The following RABGAP1L variants were observed in gnomAD, a reference collection of about 807,000 sequenced individuals.
RABGAP1L encodes rab GTPase-activating protein 1-like.
In RABGAP1L, 63 loss-of-function variants were observed where a neutral mutation model predicts 137.7. The observed-to-expected ratio is 0.46, with a 90% CI of 0.37 to 0.56. RABGAP1L has a LOEUF of 0.56. RABGAP1L is among the 20% of genes least tolerant of loss of function. The pLI, the probability that RABGAP1L is intolerant of heterozygous loss-of-function variation, is 0.00. For synonymous variants in RABGAP1L, 431 were observed against 433.7 expected (o/e 0.99, Z 0.08); for missense variants, 1,095 against 1,244.0 (o/e 0.88, Z 1.80).
chr1:174,436,649 C>A (rs2149214452), intron 13 of RABGAP1L, among the ~76,000 whole-genome samples: 2 of 152,292 alleles, frequency 1.3e-5, no homozygotes, highest in East Asian at 3.9e-4. Flanking sequence ...TGCAGAAGCT[C>A]TTTAGTTTAA....
At chr1:174,629,041 C>G (rs963500946) in intron 13 of RABGAP1L, among the ~76,000 whole-genome samples, 1 of 152,108 alleles carries the variant, frequency 6.6e-6, no homozygotes, top group Non-Finnish European at 1.5e-5. Context: ...TTGACCACTA[C>G]AATCAGAATA....
intron 19 of RABGAP1L, chr1:174,875,822 A>C: frequency 1.8e-6 from 1 of 561,638 alleles, no homozygotes; most frequent in Non-Finnish European, 2.3e-6. Context: ...TGTTAACGAA[A>C]ATAATGCTTA....
chr1:174,624,527 T>G (rs1344268531), intron 13 of RABGAP1L, among the ~76,000 whole-genome samples: 1 of 152,196 alleles, frequency 6.6e-6, no homozygotes, highest in Non-Finnish European at 1.5e-5. Flanking sequence ...GAAGTTTTCA[T>G]ATAGACTTGC....
intron 15 of RABGAP1L, among the ~76,000 whole-genome samples, chr1:174,695,594 G>A (rs1357500547): frequency 6.6e-6 from 1 of 152,110 alleles, no homozygotes; most frequent in Admixed American, 6.6e-5. Flanking sequence ...CTCACTCCAG[G>A]ATTGGTCCCT....
At chr1:174,385,561 TGAAGACATCATCC>T (rs1368990779) in intron 12 of RABGAP1L, among the ~76,000 whole-genome samples, 2 of 152,166 alleles carry the variant, frequency 1.3e-5, no homozygotes, top group Admixed American at 6.5e-5. Flanking sequence ...TGAGTTTAGA[TGAAGACATCATCC>T]GAAGACATCA....
rs80239267 is a variant in RABGAP1L, at chr1:174,932,028, A to G, written c.2341-25429A>G. On this transcript the variant is annotated intron_variant, in intron 19 of 25. Coordinates refer to ENST00000681986, the MANE Select transcript of RABGAP1L (RefSeq NM_001366446.1). ...TTTTTTTTTTTTGCCTGTCCAGTGA[A>G]GTTTTGAGCTATACTTGCTCAAAAC... is the stretch of plus-strand genomic sequence containing the variant. Among the ~76,000 whole-genome samples, 1,035 of 120,708 alleles carry G rather than the reference A, an allele frequency of 8.6e-3. 16 individuals are homozygous for G. Among genetic ancestry groups the G allele is most frequent in the African/African-American group, 0.033 (993 of 30,116 alleles). 79.2% of individuals were successfully genotyped at this position (120,708 alleles called of 152,430 possible).
chr1:174,718,311 C>T (rs1397665890), intron 17 of RABGAP1L, among the ~76,000 whole-genome samples: 2 of 152,102 alleles, frequency 1.3e-5, no homozygotes, highest in Non-Finnish European at 1.5e-5. Context: ...CAGGATCTAC[C>T]GTATATAAGC....
At chr1:174,707,603 C>T (rs1440863496) in intron 17 of RABGAP1L, among the ~76,000 whole-genome samples, 1 of 152,124 alleles carries the variant, frequency 6.6e-6, no homozygotes, top group African/African-American at 2.4e-5. Context: ...CTAACAATAC[C>T]TGTCTCTCAG....
intron 19 of RABGAP1L, among the ~76,000 whole-genome samples, chr1:174,817,238 A>G (rs1690533837): frequency 6.6e-6 from 1 of 152,222 alleles, no homozygotes; most frequent in Non-Finnish European, 1.5e-5. Flanking sequence ...TTTGAGCAAA[A>G]TTAAAAGGCA....
chr1:174,887,471 T>C (rs1157740129), intron 19 of RABGAP1L, among the ~76,000 whole-genome samples: 4 of 152,172 alleles, frequency 2.6e-5, no homozygotes, highest in African/African-American at 7.2e-5. Context: ...CTGGAAACTT[T>C]AAAGTGAATT....
chr1:174,755,483 C>T (rs1309873272), intron 18 of RABGAP1L, among the ~76,000 whole-genome samples: 1 of 152,054 alleles, frequency 6.6e-6, no homozygotes, highest in Non-Finnish European at 1.5e-5. Context: ...GTTTGCTGTC[C>T]GTGGTTAAAA....
intron 19 of RABGAP1L, among the ~76,000 whole-genome samples, chr1:174,847,412 G>A (rs1045959950): frequency 6.6e-6 from 1 of 151,098 alleles, no homozygotes; most frequent in Non-Finnish European, 1.5e-5. Flanking sequence ...AGCTCTTTTA[G>A]GGCAGGCCTG....
Position 174,671,817 on chromosome 1 carries a change from G to A in RABGAP1L, c.1825-11705G>A, listed in dbSNP as rs1677195033. ...TTGGTATCAGAGTAATGCTGGTCTA[G>A]CAGAATGAGTTTGGAAGTAATTCTT... is the stretch of plus-strand genomic sequence containing the variant. On this transcript the variant is annotated intron_variant, in intron 14 of 25. Coordinates refer to ENST00000681986, the MANE Select transcript of RABGAP1L (RefSeq NM_001366446.1). Among the ~76,000 whole-genome samples the A allele has an allele frequency of 1.3e-5, 2 of 152,102 alleles. 1 individual carries two copies. Among genetic ancestry groups the A allele is most frequent in the Admixed American group, 1.3e-4 (2 of 15,258 alleles).
intron 18 of RABGAP1L, among the ~76,000 whole-genome samples, chr1:174,804,274 G>GTTTTTTGTCTT (rs1553254977): frequency 7.2e-6 from 1 of 138,154 alleles, no homozygotes; most frequent in African/African-American, 2.6e-5. Context: ...GTTTTGTTTT[G>GTTTTTTGTCTT]TTTTTTGTTT....
At chr1:174,986,221 TA>T (rs11295450) in intron 24 of RABGAP1L, among the ~76,000 whole-genome samples, 23,281 of 152,120 alleles carry the variant, frequency 0.15, 5,893 homozygotes, top group African/African-American at 0.53. Flanking sequence ...GTGCTGGGAT[TA>T]ACGGGCATGA....
chr1:174,259,097 G>GT (rs577033996), intron 7 of RABGAP1L, among the ~76,000 whole-genome samples: 36,869 of 146,536 alleles, frequency 0.25, 4,925 homozygotes, highest in Non-Finnish European at 0.29. Context: ...CCAATATTCT[G>GT]TTTTTTTTTT....
chr1:174,860,621 T>A (rs1208509151), intron 19 of RABGAP1L, among the ~76,000 whole-genome samples: 2 of 152,172 alleles, frequency 1.3e-5, no homozygotes, highest in Admixed American at 1.3e-4. Context: ...TTCGGTTATT[T>A]GCCTATTTCC....
chr1:174,917,932 TAA>T (rs77326102), intron 19 of RABGAP1L, among the ~76,000 whole-genome samples: 53 of 116,368 alleles, frequency 4.6e-4, no homozygotes, highest in African/African-American at 7.2e-4. Flanking sequence ...GACTCTGTCT[TAA>T]AAAAAAAAAA....
chr1:174,622,634 C>G (rs1312157963), intron 13 of RABGAP1L, among the ~76,000 whole-genome samples: 6 of 152,140 alleles, frequency 3.9e-5, no homozygotes, highest in East Asian at 1.9e-4. Context: ...TGTTCTCACT[C>G]ATAGGTGGGA....
Sources: allele counts gnomAD v4.1 joint callset (sites outside exome capture counted in the v4.1 genomes callset), GRCh38; gene constraint gnomAD v4.1.1; transcripts MANE v1.5; gene names NCBI Gene and HGNC (gene_info 2026-07-23, HGNC 2026-07-21).